The following SERGEF variants were observed in gnomAD, a reference collection of about 807,000 sequenced individuals.
The protein encoded by SERGEF is secretion regulating guanine nucleotide exchange factor.
In SERGEF, 51 loss-of-function variants were observed where a neutral mutation model predicts 50.0. That is an observed-to-expected ratio of 1.02 (90% CI 0.81 to 1.29). The LOEUF is 1.29. Ranked by LOEUF, SERGEF falls within the 50% of genes most tolerant of loss-of-function variation. The probability of loss-of-function intolerance (pLI) is 0.00; values close to 1 mark genes in which losing one functional copy is unlikely to be tolerated. For missense variants in SERGEF, 521 were observed against 557.0 expected, an observed-to-expected ratio of 0.94 and a Z score of 0.65; for synonymous variants, 205 against 212.4, an observed-to-expected ratio of 0.97 and a Z score of 0.30.
Position 17,983,973 on chromosome 11 carries a change from T to C in SERGEF, c.844+4624A>G, listed in dbSNP as rs11024442. Among the ~76,000 whole-genome samples the C allele has an allele frequency of 7.2e-4, 109 of 152,214 alleles. No individual in the cohort carries two copies. The East Asian group carries it at 0.015, about 21-fold the overall frequency. On this transcript the variant is annotated intron_variant, in intron 8 of 10. Transcript: ENST00000265965. ...GACCAAGCAAAGGCCAGAGTGCAGA[T>C]TGGATAGGGATCAAGAACTAGCATG...
At chr11:17,894,061 C>T (rs550142045) in intron 9 of SERGEF, among the ~76,000 whole-genome samples, 7 of 152,244 alleles carry the variant, frequency 4.6e-5, no homozygotes, top group Admixed American at 6.5e-5. Flanking sequence ...TCCACATTGC[C>T]GAAGTCCAAA....
chr11:17,926,806 T>C (rs1232339763), intron 9 of SERGEF: 1 of 456,214 alleles, frequency 2.2e-6, no homozygotes, highest in Non-Finnish European at 4.4e-6. Context: ...ACCAGAGCTC[T>C]AGGAATTCAT....
chr11:17,844,820 A>G (rs1292189309), intron 10 of SERGEF, among the ~76,000 whole-genome samples: 1 of 152,126 alleles, frequency 6.6e-6, no homozygotes, highest in African/African-American at 2.4e-5. Flanking sequence ...AGAGGTGTCC[A>G]ATCTTTTGGC....
chr11:18,006,680 T>A lies in SERGEF; in HGVS notation c.263A>T (p.Asp88Val). The A allele has an allele frequency of 6.2e-7, 1 of 1,614,156 alleles. No homozygotes were observed. Among genetic ancestry groups the A allele is most frequent in the African/African-American group, 1.3e-5 (1 of 75,020 alleles). The change falls in exon 3 of 11, where the codon GAT becomes GTT. Residue 88 changes from aspartate to valine, a missense_variant. Physicochemically the swap from Asp to Val is radical, Grantham distance 152 (BLOSUM62 -3). Transcript: ENST00000265965. Reference sequence around the variant, plus strand: ...TTTGCAGGGGGTAAAATATGGGATATCCTCTGTGTGACCAAGCCCCAGTTG... The same window carrying A: ...TTTGCAGGGGGTAAAATATGGGATAACCTCTGTGTGACCAAGCCCCAGTTG... ...DGQLGLGHTEDIPYFTPCKSL... is the reference protein window; with the variant it reads ...DGQLGLGHTEVIPYFTPCKSL...
At position 17,966,213 on chromosome 11, in the gene SERGEF, G is replaced by A. The variant is rs184648474; in HGVS notation, c.845-6577C>T. Among the ~76,000 whole-genome samples the A allele has an allele frequency of 1.2e-4, 18 of 151,924 alleles. No homozygotes were observed. The East Asian group carries it at 1.3e-3, about 11-fold the overall frequency. ...TGCACATCAGAAGCCTCTAATGTAC[G>A]AGACAAAACAAATTAATTAAAGGTA... On this transcript the variant is annotated intron_variant, in intron 8 of 10. Transcript: ENST00000265965.
intron 8 of SERGEF, among the ~76,000 whole-genome samples, chr11:17,985,969 C>T (rs747378753): frequency 3.9e-5 from 6 of 152,190 alleles, no homozygotes; most frequent in Non-Finnish European, 8.8e-5. Context: ...CATTAGACGC[C>T]AATAGTGTCT....
At chr11:17,821,277 T>C (rs1020005910) in intron 10 of SERGEF, among the ~76,000 whole-genome samples, 2 of 152,220 alleles carry the variant, frequency 1.3e-5, no homozygotes, top group African/African-American at 4.8e-5. Context: ...ATTGTGGTAC[T>C]TTATTATGGG....
intron 10 of SERGEF, among the ~76,000 whole-genome samples, chr11:17,863,931 G>A (rs567368096): frequency 6.6e-6 from 1 of 152,238 alleles, no homozygotes; most frequent in Non-Finnish European, 1.5e-5. Flanking sequence ...GACAGACTTT[G>A]AGAGTTGCAG....
At chr11:17,870,852 TCAAG>T (rs1365229224) in intron 10 of SERGEF, among the ~76,000 whole-genome samples, 1 of 152,138 alleles carries the variant, frequency 6.6e-6, no homozygotes, top group African/African-American at 2.4e-5. Context: ...GCTACAATAA[TCAAG>T]CTAGTGTGAT....
At chr11:17,975,662 C>T (rs1853356020) in intron 8 of SERGEF, among the ~76,000 whole-genome samples, 1 of 152,132 alleles carries the variant, frequency 6.6e-6, no homozygotes, top group Non-Finnish European at 1.5e-5. Context: ...GAGGCCTCAA[C>T]AGAGGAGACT....
chr11:17,984,840 G>T (rs1480078039), intron 8 of SERGEF, among the ~76,000 whole-genome samples: 1 of 152,176 alleles, frequency 6.6e-6, no homozygotes, highest in Non-Finnish European at 1.5e-5. Context: ...CATCTGTTAT[G>T]TATCAGGCCT....
chr11:17,997,618 A>C (rs1209513145), intron 5 of SERGEF, among the ~76,000 whole-genome samples: 1 of 152,246 alleles, frequency 6.6e-6, no homozygotes, highest in African/African-American at 2.4e-5. Flanking sequence ...TAAAACATGG[A>C]AGCAACTCAA....
At chr11:17,887,222 A>G (rs1485146165) in intron 9 of SERGEF, among the ~76,000 whole-genome samples, 1 of 152,188 alleles carries the variant, frequency 6.6e-6, no homozygotes, top group Non-Finnish European at 1.5e-5. Context: ...TGACTTTCCC[A>G]TTGTTCTTTT....
chr11:17,999,061 C>T (rs1463496410), intron 5 of SERGEF, among the ~76,000 whole-genome samples: 3 of 152,018 alleles, frequency 2.0e-5, no homozygotes, highest in South Asian at 2.1e-4. Flanking sequence ...TGAATGTCTA[C>T]GGAATTATGT....
intron 9 of SERGEF, among the ~76,000 whole-genome samples, chr11:17,918,241 C>T (rs979318728): frequency 1.3e-5 from 2 of 152,186 alleles, no homozygotes; most frequent in Non-Finnish European, 2.9e-5. Flanking sequence ...CAGTCCCCAA[C>T]TTATGAATGA....
intron 9 of SERGEF, among the ~76,000 whole-genome samples, chr11:17,950,698 G>C (rs1454770920): frequency 1.3e-5 from 2 of 152,198 alleles, no homozygotes; most frequent in Non-Finnish European, 2.9e-5. Context: ...AGCCTTCACA[G>C]ACCTAGAATT....
rs868792276 is a variant in SERGEF, at chr11:18,004,494, G to A, written c.394C>T (p.Gln132Ter). 6.2e-7 allele frequency: 1 copy of A among 1,613,784 alleles called. No individual in the cohort carries two copies. Among genetic ancestry groups the A allele is most frequent in the Non-Finnish European group, 8.5e-7 (1 of 1,179,838 alleles). ...VLSCGSNSFG[Q>*]LGVPHGPRRC... The stretch of plus-strand genomic sequence containing the variant: ...CGAGGTCCATGAGGAACTCCTAACT[G>A]GCCAAAGGAGTTGGATCCACATGAT... Residue 132 changes from glutamine (Q) to a stop codon, truncating the protein, a stop_gained, in exon 4 of 11, where the codon CAG becomes TAG. Transcript: ENST00000265965. LOFTEE classifies it high-confidence loss of function.
intron 10 of SERGEF, among the ~76,000 whole-genome samples, chr11:17,803,821 C>T (rs1025527837): frequency 6.6e-6 from 1 of 152,208 alleles, no homozygotes; most frequent in African/African-American, 2.4e-5. Context: ...TCTCCATGGA[C>T]CCCTTGCATG....
intron 10 of SERGEF, among the ~76,000 whole-genome samples, chr11:17,834,385 CG>C (rs1293526011): frequency 6.6e-6 from 1 of 152,106 alleles, no homozygotes; most frequent in Middle Eastern, 3.2e-3. Context: ...TGCTCAGTCT[CG>C]GGTATATCTT....
Sources: allele counts gnomAD v4.1 joint callset (sites outside exome capture counted in the v4.1 genomes callset), GRCh38; gene constraint gnomAD v4.1.1; transcripts MANE v1.5; gene names NCBI Gene and HGNC (gene_info 2026-07-23, HGNC 2026-07-21).